Variants in SKI observed in about 807,000 individuals in gnomAD.
SKI encodes SKI proto-oncogene.
SKI carries 23 observed loss-of-function variants against 59.3 expected under a neutral mutation model. The ratio of observed to expected loss-of-function variants is 0.39; its 90% CI spans 0.28 to 0.55. The LOEUF is 0.55. SKI is among the 20% of genes least tolerant of loss of function. SKI has a pLI of 0.67. For synonymous variants in SKI, 673 were observed against 488.6 expected (o/e 1.38, Z -4.98); for missense variants, 1,017 against 1,038.9 (o/e 0.98, Z 0.29).
rs1446649148 is a variant in SKI, at chr1:2,291,076, C to T, written c.970-11902C>T. Among the ~76,000 whole-genome samples, 5 of 152,336 alleles carry T rather than the reference C, an allele frequency of 3.3e-5. No homozygotes were observed. The South Asian group carries it at 6.2e-4, about 19-fold the overall frequency. ...CGGGGAGGGAGCAGACCCCGTTCAC[C>T]CTCACCCCAGAACTGAAGCAGCGAG... On this transcript the variant is annotated intron_variant, in intron 1 of 6. Transcript: ENST00000378536.
At position 2,235,914 on chromosome 1, in the gene SKI, G is replaced by A. The variant is rs539997607; in HGVS notation, c.969+6179G>A. ...TCGCTTGAAGTGCTTATTCCTTTGAGTAATGCTCCTGTCTTTTGTTTGGGG... is the reference window on the plus strand; with the variant it reads ...TCGCTTGAAGTGCTTATTCCTTTGAATAATGCTCCTGTCTTTTGTTTGGGG... On this transcript the variant is annotated intron_variant, in intron 1 of 6. Transcript: ENST00000378536. 1.9e-3 allele frequency among the ~76,000 whole-genome samples: 286 copies of A among 152,300 alleles called. 1 individual carries two copies. The highest frequency in any genetic ancestry group is 6.6e-3 in the African/African-American group (276 of 41,562).
chr1:2,285,799 C>T (rs1640027420), intron 1 of SKI, among the ~76,000 whole-genome samples: 1 of 150,868 alleles, frequency 6.6e-6, no homozygotes, highest in Admixed American at 6.6e-5. Context: ...CACCTGACCT[C>T]ACATGATCTG....
chr1:2,272,422 G>A (rs772446560), intron 1 of SKI, among the ~76,000 whole-genome samples: 12 of 152,208 alleles, frequency 7.9e-5, no homozygotes, highest in Admixed American at 1.3e-4. Flanking sequence ...GGAGCCCTCC[G>A]CTGGGGGGTT....
At chr1:2,256,019 G>A (rs570505113) in intron 1 of SKI, among the ~76,000 whole-genome samples, 32 of 138,256 alleles carry the variant, frequency 2.3e-4, no homozygotes, top group Admixed American at 2.0e-3. Context: ...CACTGTGCCC[G>A]GACTGCATTT....
At chr1:2,272,744 G>A (rs973099177) in intron 1 of SKI, among the ~76,000 whole-genome samples, 5 of 152,134 alleles carry the variant, frequency 3.3e-5, no homozygotes, top group East Asian at 3.8e-4. Context: ...TGTCAATAGC[G>A]TGTTGGAGTC....
chr1:2,289,537 C>T (rs1281828937), intron 1 of SKI, among the ~76,000 whole-genome samples: 2 of 52,692 alleles, frequency 3.8e-5, no homozygotes, highest in Admixed American at 2.3e-4. Context: ...GAACCAAGAT[C>T]GGGGTGGGGG....
At chr1:2,245,881 C>T (rs1464474916) in intron 1 of SKI, among the ~76,000 whole-genome samples, 1 of 146,426 alleles carries the variant, frequency 6.8e-6, no homozygotes, top group Non-Finnish European at 1.5e-5. Context: ...ACTGCAACCT[C>T]CGCCTCCCAG....
At chr1:2,240,191 C>T (rs1638836934) in intron 1 of SKI, among the ~76,000 whole-genome samples, 1 of 152,344 alleles carries the variant, frequency 6.6e-6, no homozygotes, top group African/African-American at 2.4e-5. Context: ...AGGCTGCTGT[C>T]CTCCGGGTTC....
chr1:2,256,323 C>T (rs549627484), intron 1 of SKI, among the ~76,000 whole-genome samples: 210 of 152,206 alleles, frequency 1.4e-3, no homozygotes, highest in Non-Finnish European at 2.6e-3. Flanking sequence ...CTTGGAGTTG[C>T]GTGCCTGACC....
chr1:2,252,833 G>C (rs1199906834), intron 1 of SKI, among the ~76,000 whole-genome samples: 1 of 152,124 alleles, frequency 6.6e-6, no homozygotes, highest in Non-Finnish European at 1.5e-5. Flanking sequence ...GGTATCTCGT[G>C]CCTGTAATCC....
intron 1 of SKI, among the ~76,000 whole-genome samples, chr1:2,250,505 C>G (rs1045610394): frequency 1.3e-5 from 2 of 152,354 alleles, no homozygotes; most frequent in African/African-American, 4.8e-5. Flanking sequence ...AGCGAAGTTG[C>G]AGGAAGAACG....
intron 1 of SKI, chr1:2,232,508 G>A (rs968924866): frequency 2.0e-5 from 3 of 152,250 alleles, no homozygotes; most frequent in African/African-American, 7.2e-5. Flanking sequence ...CTGGCCTGTC[G>A]GCAGTGCAGT....
rs2645073 is a variant in SKI, at chr1:2,304,223, G to A, written c.1475-70G>A. ...ATGTTTCGCAGGTTCCTCCGGGAGC[G>A]GCGCGTCTCCCTGGTGTGGAGCTGC... On this transcript the variant is annotated intron_variant, in intron 4 of 6. Coordinates refer to ENST00000378536, the MANE Select transcript of SKI (RefSeq NM_003036.4). 223,569 of 1,554,654 alleles carry A rather than the reference G, an allele frequency of 0.14. 20,967 individuals are homozygous for A. Among genetic ancestry groups the A allele is most frequent in the Admixed American group, 0.33 (16,974 of 51,222 alleles).
At chr1:2,289,078 A>G (rs1039065) in intron 1 of SKI, among the ~76,000 whole-genome samples, 1 of 151,974 alleles carries the variant, frequency 6.6e-6, no homozygotes, top group African/African-American at 2.4e-5. Flanking sequence ...AGCTGGGGGA[A>G]GGTCATGTTC....
At chr1:2,262,055 C>T (rs540847439) in intron 1 of SKI, among the ~76,000 whole-genome samples, 5 of 122,770 alleles carry the variant, frequency 4.1e-5, no homozygotes, top group African/African-American at 1.6e-4. Context: ...ATCTGGAAGG[C>T]GTGGAATCAG....
intron 1 of SKI, among the ~76,000 whole-genome samples, chr1:2,245,631 A>G (rs150842446): frequency 0.057 from 8,699 of 151,822 alleles, 358 homozygotes; most frequent in Middle Eastern, 0.14. Flanking sequence ...ATGTGCCACC[A>G]TGCCCAGCTG....
intron 1 of SKI, among the ~76,000 whole-genome samples, chr1:2,300,606 T>G (rs1400203674): frequency 1.3e-5 from 2 of 152,222 alleles, no homozygotes; most frequent in African/African-American, 4.8e-5. Context: ...ACAGTCCCTC[T>G]GAGAGTGTCA....
chr1:2,271,368 G>A (rs1010466973), intron 1 of SKI, among the ~76,000 whole-genome samples: 16 of 152,002 alleles, frequency 1.1e-4, no homozygotes, highest in Admixed American at 4.6e-4. Flanking sequence ...CTCTCCCGCC[G>A]GGAGAGGTCC....
chr1:2,274,026 G>A (rs1282175807), intron 1 of SKI, among the ~76,000 whole-genome samples: 3 of 151,866 alleles, frequency 2.0e-5, no homozygotes, highest in African/African-American at 7.3e-5. Context: ...ATGCGTGTGC[G>A]CAGGTCCTAC....
Sources: allele counts gnomAD v4.1 joint callset (sites outside exome capture counted in the v4.1 genomes callset), GRCh38; gene constraint gnomAD v4.1.1; transcripts MANE v1.5; gene names NCBI Gene and HGNC (gene_info 2026-07-23, HGNC 2026-07-21).